Variants in CD47 observed in about 807,000 individuals in gnomAD.
CD47 encodes the protein CD47 molecule, also known as leukocyte surface antigen CD47.
In CD47, 11 loss-of-function variants were observed where a neutral mutation model predicts 44.6. The ratio of observed to expected loss-of-function variants is 0.25; its 90% CI spans 0.16 to 0.41. The LOEUF (loss-of-function observed/expected upper bound fraction) is 0.41. CD47 is among the 10% of genes least tolerant of loss of function. CD47 has a pLI of 1.00. For synonymous variants in CD47, 140 were observed against 136.3 expected, an observed-to-expected ratio of 1.03 and a Z score of -0.19; for missense variants, 306 against 386.7, an observed-to-expected ratio of 0.79 and a Z score of 1.75.
chr3:108,063,707 A>T (rs1430707922), intron 3 of CD47, among the ~76,000 whole-genome samples: 3 of 152,238 alleles, frequency 2.0e-5, no homozygotes, highest in Non-Finnish European at 2.9e-5. Context: ...ATGTGTTGTT[A>T]ACAGCAGGCT....
intron 10 of CD47, among the ~76,000 whole-genome samples, chr3:108,048,408 G>T: frequency 8.4e-6 from 1 of 119,366 alleles, no homozygotes; most frequent in Admixed American, 1.0e-4. Context: ...TTCTTGAGAC[G>T]GAGTCTTGCT....
intron 3 of CD47, among the ~76,000 whole-genome samples, chr3:108,068,678 C>T (rs10933931): frequency 0.098 from 14,949 of 152,134 alleles, 1,488 homozygotes; most frequent in East Asian, 0.56. Flanking sequence ...ATCTACAAAA[C>T]GGGAATAACA....
chr3:108,062,352 C>T (rs1316762716), intron 3 of CD47, among the ~76,000 whole-genome samples: 1 of 152,054 alleles, frequency 6.6e-6, no homozygotes, highest in Non-Finnish European at 1.5e-5. Context: ...ACAAAAGGCA[C>T]ATACACAGAA....
intron 1 of CD47, among the ~76,000 whole-genome samples, chr3:108,088,483 G>A (rs770623006): frequency 1.3e-5 from 2 of 151,978 alleles, no homozygotes; most frequent in East Asian, 3.8e-4. Context: ...TTTTAAATAG[G>A]CATTTACTTC....
intron 3 of CD47, among the ~76,000 whole-genome samples, chr3:108,064,616 C>T (rs141270721): frequency 4.1e-4 from 62 of 152,228 alleles, no homozygotes; most frequent in African/African-American, 1.3e-3. Flanking sequence ...TTGACACACC[C>T]ATATAGGCTC....
intron 2 of CD47, among the ~76,000 whole-genome samples, chr3:108,077,370 T>C (rs576790483): frequency 5.9e-5 from 9 of 152,266 alleles, no homozygotes; most frequent in Non-Finnish European, 1.3e-4. Flanking sequence ...TTTTTTTCAG[T>C]TAAAAATGGT....
At chr3:108,077,606 C>A (rs188557160) in intron 2 of CD47, among the ~76,000 whole-genome samples, 1 of 152,136 alleles carries the variant, frequency 6.6e-6, no homozygotes, top group East Asian at 1.9e-4. Flanking sequence ...TTGTTCAGAG[C>A]AGTTTCATTT....
chr3:108,049,568 A>G, intron 10 of CD47, 51 bp downstream of exon 10: 1 of 1,148,188 alleles, frequency 8.7e-7, no homozygotes, highest in Non-Finnish European at 1.3e-6. Flanking sequence ...TTTGTTTTCC[A>G]ATGTCCATGT....
rs562708942 is a variant in CD47, at chr3:108,059,646, G to A, written c.599-102C>T. The stretch of plus-strand genomic sequence containing the variant: ...AACTGTGAAAATTTTAAAAATATAC[G>A]TTTCCCTGAAAACCTCACACAAAAT... On this transcript the variant is annotated intron_variant, in intron 4 of 10. Coordinates refer to ENST00000361309, the MANE Select transcript of CD47 (RefSeq NM_001777.4). 1.7e-3 allele frequency: 879 copies of A among 510,016 alleles called. 1 individual carries two copies. Among genetic ancestry groups the A allele is most frequent in the Non-Finnish European group, 1.6e-3 (490 of 301,214 alleles). 31.6% of individuals were successfully genotyped at this position (510,016 alleles called of 1,614,324 possible).
At chr3:108,056,475 T>G (rs1261704172) in intron 7 of CD47, among the ~76,000 whole-genome samples, 1 of 152,208 alleles carries the variant, frequency 6.6e-6, no homozygotes, top group African/African-American at 2.4e-5. Flanking sequence ...GTGAGTCATA[T>G]GAGAAATTAT....
intron 7 of CD47, chr3:108,053,191 TACC>T (rs1175756908): frequency 6.6e-6 from 1 of 152,212 alleles, no homozygotes; most frequent in Non-Finnish European, 1.5e-5. Context: ...ACTATTTATT[TACC>T]ACCACTGCAC....
chr3:108,068,145 C>T lies in CD47; in HGVS notation c.490+2948G>A, dbSNP rs570873016. On this transcript the variant is annotated intron_variant, in intron 3 of 10. Coordinates refer to ENST00000361309, the MANE Select transcript of CD47 (RefSeq NM_001777.4). ...ATTATGAATGCTTTAGAAGATTTAC[C>T]ATACTGGATTCTAAAAAATATACAT... Among the ~76,000 whole-genome samples, 5 of 152,240 alleles carry T rather than the reference C, an allele frequency of 3.3e-5. No individual in the cohort carries two copies. In the South Asian group the frequency reaches 1.0e-3, roughly 32 times the overall value.
rs905275258 is a variant in CD47 at position 108,045,558 on chromosome 3, TA to T, written c.*1729del. 65 of 138,326 alleles carry T rather than the reference TA, an allele frequency of 4.7e-4. No homozygotes were observed. In the East Asian group the frequency reaches 0.013, roughly 29 times the overall value. The allele number at this position is 138,326 out of a possible 1,614,324, so 8.6% of individuals were successfully genotyped here. A position where few individuals can be genotyped will look rare whatever the true frequency, so the allele number is the denominator to read the frequency against. On this transcript the variant is annotated 3_prime_UTR_variant, in exon 11 of 11. Coordinates refer to ENST00000361309, the MANE Select transcript of CD47 (RefSeq NM_001777.4). The stretch of plus-strand genomic sequence containing the variant: ...ATATACGTATATATTTGTGTATACA[TA>T]TTTTTTTTTTCAAGAAGAGCTGTCT...
chr3:108,074,829 C>T (rs2079278298), intron 2 of CD47, among the ~76,000 whole-genome samples: 1 of 151,940 alleles, frequency 6.6e-6, no homozygotes, highest in Non-Finnish European at 1.5e-5. Flanking sequence ...CCTCCTCTCT[C>T]TAATTTGTTA....
intron 2 of CD47, among the ~76,000 whole-genome samples, chr3:108,074,718 G>T (rs951389545): frequency 1.5e-5 from 2 of 130,226 alleles, no homozygotes; most frequent in African/African-American, 5.5e-5. Context: ...GGGTGGGGGG[G>T]GGGGGCACAC....
intron 2 of CD47, among the ~76,000 whole-genome samples, chr3:108,078,662 A>T (rs549236917): frequency 1.3e-5 from 2 of 151,450 alleles, no homozygotes; most frequent in Non-Finnish European, 3.0e-5. Flanking sequence ...TCAATAGTAA[A>T]AGCTACAATG....
In CD47 at chr3:108,057,569, G is replaced by C; in HGVS notation, c.785C>G (p.Ala262Gly). 6.9e-7 allele frequency: 1 copy of C among 1,441,830 alleles called. No individual in the cohort carries two copies. The highest frequency in any genetic ancestry group is 9.7e-7 in the Non-Finnish European group (1 of 1,029,044). The allele number at this position is 1,441,830 out of a possible 1,614,324, so 89.3% of individuals were successfully genotyped here. ...AAGAGGGCCATGCATTGGTATACAC[G>C]CTGTAAAAACAAATAAAATTCTGTA... ...AVVGLSLCIA[A>G]CIPMHGPLLI... The change falls in exon 7 of 11, where the codon GCG becomes GGG. Residue 262 changes from alanine (A) to glycine (G), a missense_variant and splice_region_variant. By Grantham distance (60) the Ala-to-Gly change is moderately conservative. Transcript: ENST00000361309.
chr3:108,065,748 G>A lies in CD47; in HGVS notation c.491-4896C>T, dbSNP rs562669171. On this transcript the variant is annotated intron_variant, in intron 3 of 10. Coordinates refer to ENST00000361309, the MANE Select transcript of CD47 (RefSeq NM_001777.4). ...AATCGCTTGAACCTGGGAGGCGGAG[G>A]TTGCAGTGAGCCGAGATCACGCCAC... Among the ~76,000 whole-genome samples the A allele has an allele frequency of 4.2e-5, 6 of 143,504 alleles. No individual in the cohort carries two copies. In the South Asian group the frequency reaches 1.3e-3, roughly 32 times the overall value. The allele number at this position is 143,504 out of a possible 152,430, so 94.1% of individuals were successfully genotyped here.
chr3:108,074,185 C>T (rs1454643268), intron 2 of CD47, among the ~76,000 whole-genome samples: 4 of 152,022 alleles, frequency 2.6e-5, no homozygotes, highest in East Asian at 3.9e-4. Flanking sequence ...AGAAATAATT[C>T]GTAAATTAGA....
Sources: allele counts gnomAD v4.1 joint callset (sites outside exome capture counted in the v4.1 genomes callset), GRCh38; gene constraint gnomAD v4.1.1; transcripts MANE v1.5; gene names NCBI Gene and HGNC (gene_info 2026-07-23, HGNC 2026-07-21).